The following PCGF5 variants were observed in gnomAD, a reference collection of about 807,000 sequenced individuals.
The protein encoded by PCGF5 is polycomb group ring finger 5.
In PCGF5, 9 loss-of-function variants were observed where a neutral mutation model predicts 44.3. The observed-to-expected ratio is 0.20, with a 90% CI of 0.12 to 0.35. PCGF5 has a LOEUF of 0.35. Among genes scored for constraint, PCGF5 ranks in the 10% least tolerant of loss-of-function variants. The pLI, the probability that PCGF5 is intolerant of heterozygous loss-of-function variation, is 1.00. For synonymous variants in PCGF5, 95 were observed against 102.5 expected, an observed-to-expected ratio of 0.93 and a Z score of 0.44; for missense variants, 146 against 305.3, an observed-to-expected ratio of 0.48 and a Z score of 3.89.
chr10:91,239,514 A>G (rs1845267014), intron 2 of PCGF5, among the ~76,000 whole-genome samples: 1 of 152,000 alleles, frequency 6.6e-6, no homozygotes, highest in South Asian at 2.1e-4. Flanking sequence ...TTGAGGAGAA[A>G]GAAGTAGCTT....
chr10:91,212,276 C>T (rs2133254058), intron 1 of PCGF5, among the ~76,000 whole-genome samples: 1 of 152,278 alleles, frequency 6.6e-6, no homozygotes, highest in Non-Finnish European at 1.5e-5. Context: ...TTAGAGGTGT[C>T]ACCATAATTT....
intron 2 of PCGF5, among the ~76,000 whole-genome samples, chr10:91,231,467 G>C (rs1015920401): frequency 1.3e-5 from 2 of 152,188 alleles, no homozygotes; most frequent in East Asian, 1.9e-4. Context: ...GAGTTAGCCA[G>C]ATATCTGAGG....
At chr10:91,191,629 T>C (rs566853238) in intron 1 of PCGF5, among the ~76,000 whole-genome samples, 142 of 152,284 alleles carry the variant, frequency 9.3e-4, no homozygotes, top group African/African-American at 3.2e-3. Flanking sequence ...TTTGGTTTCT[T>C]GGTGTGTGTT....
At chr10:91,212,196 A>G (rs766136363) in intron 1 of PCGF5, among the ~76,000 whole-genome samples, 1 of 152,382 alleles carries the variant, frequency 6.6e-6, no homozygotes, top group African/African-American at 2.4e-5. Context: ...ATACTCAGAA[A>G]TAGGTTAATT....
intron 6 of PCGF5, among the ~76,000 whole-genome samples, chr10:91,255,207 C>T (rs1845717997): frequency 6.6e-6 from 1 of 152,030 alleles, no homozygotes; most frequent in African/African-American, 2.4e-5. Flanking sequence ...AAAACAATTA[C>T]AGGCAAATGT....
intron 2 of PCGF5, among the ~76,000 whole-genome samples, chr10:91,223,622 CT>C (rs1479568286): frequency 9.8e-5 from 15 of 152,314 alleles, no homozygotes; most frequent in African/African-American, 3.1e-4. Flanking sequence ...TTTACTGCCA[CT>C]TATGCCAAGA....
chr10:91,209,362 CT>C (rs1258149325), intron 1 of PCGF5, among the ~76,000 whole-genome samples: 1 of 152,100 alleles, frequency 6.6e-6, no homozygotes. Flanking sequence ...AATCCCAGAA[CT>C]TTTGGGAGGC....
At chr10:91,170,561 T>C (rs1305909054) in intron 1 of PCGF5, among the ~76,000 whole-genome samples, 1 of 152,298 alleles carries the variant, frequency 6.6e-6, no homozygotes, top group African/African-American at 2.4e-5. Context: ...AACCATGATA[T>C]ACCACTATAC....
chr10:91,185,000 G>T (rs1182885330), intron 1 of PCGF5, among the ~76,000 whole-genome samples: 1 of 152,172 alleles, frequency 6.6e-6, no homozygotes, highest in Non-Finnish European at 1.5e-5. Context: ...CAACACAGGG[G>T]ACCTGCTTAC....
chr10:91,240,876 G>C (rs1457090297), intron 3 of PCGF5, among the ~76,000 whole-genome samples: 1 of 151,570 alleles, frequency 6.6e-6, no homozygotes. Context: ...ATGTTATGTT[G>C]AGCTACATGG....
chr10:91,209,069 C>T (rs370420209), intron 1 of PCGF5, among the ~76,000 whole-genome samples: 4 of 152,178 alleles, frequency 2.6e-5, no homozygotes, highest in Non-Finnish European at 5.9e-5. Flanking sequence ...TAGTTTGTTA[C>T]TGTTACATTC....
intron 1 of PCGF5, among the ~76,000 whole-genome samples, chr10:91,190,290 C>T (rs985402998): frequency 6.6e-6 from 1 of 152,170 alleles, no homozygotes; most frequent in Non-Finnish European, 1.5e-5. Context: ...AATCCCATCA[C>T]CTTGGGGGTT....
Position 91,280,081 on chromosome 10 carries a change from G to A in PCGF5, c.*1765G>A, listed in dbSNP as rs977247071. On this transcript the variant is annotated 3_prime_UTR_variant, in exon 10 of 10. Coordinates refer to ENST00000336126, the MANE Select transcript of PCGF5 (RefSeq NM_032373.5). ...GTTACATTGTTTTTGTTCTTGGAAT[G>A]GCTCACAAGCAGAATTTAAAAGGCA... 1 of 151,866 alleles carries A rather than the reference G, an allele frequency of 6.6e-6. No homozygotes were observed. Among genetic ancestry groups the A allele is most frequent in the Non-Finnish European group, 1.5e-5 (1 of 67,876 alleles). The allele number at this position is 151,866 out of a possible 1,614,324, so 9.4% of individuals were successfully genotyped here.
upstream of PCGF5, among the ~76,000 whole-genome samples, chr10:91,215,664 C>G (rs1281778226): frequency 1.3e-5 from 2 of 152,228 alleles, no homozygotes; most frequent in East Asian, 3.8e-4. Flanking sequence ...CTGGAGTTGA[C>G]AGCTAACACA....
chr10:91,199,151 C>G (rs1017193610), intron 1 of PCGF5, among the ~76,000 whole-genome samples: 4 of 152,152 alleles, frequency 2.6e-5, no homozygotes, highest in Non-Finnish European at 2.9e-5. Context: ...AGGGATCATC[C>G]CTGCTTCCAC....
At chr10:91,160,739 C>T (rs1324502034), upstream of PCGF5, among the ~76,000 whole-genome samples, 1 of 151,970 alleles carries the variant, frequency 6.6e-6, no homozygotes, top group Non-Finnish European at 1.5e-5. Context: ...AAGGGAGTGA[C>T]GGCGAAGAAG....
At chr10:91,217,039 C>CTTT (rs10657090), upstream of PCGF5, among the ~76,000 whole-genome samples, 12 of 148,500 alleles carry the variant, frequency 8.1e-5, no homozygotes, top group African/African-American at 3.0e-4. Flanking sequence ...AAAATTTCAC[C>CTTT]TTTTTTTTTT....
intron 1 of PCGF5, among the ~76,000 whole-genome samples, chr10:91,177,759 G>A (rs549520612): frequency 3.9e-5 from 6 of 152,314 alleles, no homozygotes; most frequent in East Asian, 3.9e-4. Flanking sequence ...TCGGAAAAGT[G>A]CAGTATTAGG....
intron 2 of PCGF5, among the ~76,000 whole-genome samples, chr10:91,234,282 G>C (rs1226659606): frequency 6.6e-6 from 1 of 152,330 alleles, no homozygotes; most frequent in East Asian, 1.9e-4. Flanking sequence ...CAGTGGGACT[G>C]TACTGGAATG....
Sources: gnomAD v4.1 joint callset for allele counts (sites outside exome capture counted in the v4.1 genomes callset) on GRCh38, gnomAD v4.1.1 for gene constraint, MANE v1.5 for transcripts, NCBI Gene and HGNC (gene_info 2026-07-23, HGNC 2026-07-21) for gene names.